The following CDKL3 variants were observed in gnomAD, a reference collection of about 807,000 sequenced individuals.
The protein encoded by CDKL3 is cyclin dependent kinase like 3.
A neutral mutation model predicts 69.3 loss-of-function variants in CDKL3; 65 were observed. That is an observed-to-expected ratio of 0.94 (90% CI 0.77 to 1.15). CDKL3 has a LOEUF of 1.15. CDKL3 is among the 50% of genes most tolerant of loss of function. The pLI is 0.00. For synonymous variants in CDKL3, 202 were observed against 221.6 expected, an observed-to-expected ratio of 0.91 and a Z score of 0.79; for missense variants, 652 against 689.2, an observed-to-expected ratio of 0.95 and a Z score of 0.61.
At chr5:134,330,370 G>C (rs974951701) in intron 4 of CDKL3, among the ~76,000 whole-genome samples, 27 of 152,256 alleles carry the variant, frequency 1.8e-4, no homozygotes, top group African/African-American at 6.3e-4. Context: ...GGTCATGGTG[G>C]AGATGGACAC....
At chr5:134,335,517 G>C (rs1776892708) in intron 4 of CDKL3, among the ~76,000 whole-genome samples, 1 of 152,042 alleles carries the variant, frequency 6.6e-6, no homozygotes, top group Non-Finnish European at 1.5e-5. Context: ...AGTCAGGCCT[G>C]GTGGTGACAA....
chr5:134,356,717 G>A (rs1272535492), intron 3 of CDKL3, among the ~76,000 whole-genome samples: 1 of 152,102 alleles, frequency 6.6e-6, no homozygotes, highest in African/African-American at 2.4e-5. Context: ...CTGGGAGGTG[G>A]AGGTTGCAGT....
chr5:134,298,635 T>C lies in CDKL3; in HGVS notation c.*16A>G, dbSNP rs1323303480. 7.4e-6 allele frequency: 12 copies of C among 1,611,194 alleles called. No individual in the cohort carries two copies. Among genetic ancestry groups the C allele is most frequent in the Non-Finnish European group, 1.0e-5 (12 of 1,179,202 alleles). ...TTGTCATCTTGTATTTTTTGGACTA[T>C]GTAAAAGAAAAGACACTACCAGAAA... On this transcript the variant is annotated 3_prime_UTR_variant, in exon 13 of 13. Transcript: ENST00000265334.
chr5:134,360,062 C>T lies in CDKL3; in HGVS notation c.195G>A (p.Leu65=). Residue 65 remains leucine (L), a synonymous_variant, in exon 3 of 13, where the codon CTG becomes CTA. Transcript: ENST00000265334. ...KQFHHENLVN[L]IEVFRQKKKI... ...TCTTTTTCTGTCTAAAAACTTCAAT[C>T]AGATTGACCAGGTTTTCGTGATGAA... 1 of 1,543,180 alleles carries T rather than the reference C, an allele frequency of 6.5e-7. No individual in the cohort carries two copies. The highest frequency in any genetic ancestry group is 1.4e-5 in the African/African-American group (1 of 72,886).
chr5:134,365,282 T>A (rs1053173241), intron 2 of CDKL3, among the ~76,000 whole-genome samples: 4 of 151,684 alleles, frequency 2.6e-5, no homozygotes, highest in Non-Finnish European at 5.9e-5. Flanking sequence ...CGGCCTTAAT[T>A]TTTTTTGTTT....
chr5:134,352,434 G>A (rs1247045879), intron 3 of CDKL3, among the ~76,000 whole-genome samples: 1 of 151,738 alleles, frequency 6.6e-6, no homozygotes, highest in Non-Finnish European at 1.5e-5. Context: ...CTGAGTAGCT[G>A]GGATTACAGG....
intron 4 of CDKL3, among the ~76,000 whole-genome samples, chr5:134,338,510 T>G (rs527819587): frequency 6.6e-6 from 1 of 150,402 alleles, no homozygotes; most frequent in Non-Finnish European, 1.5e-5. Flanking sequence ...GCCAATATGG[T>G]GAAACTCCAT....
downstream of CDKL3, among the ~76,000 whole-genome samples, chr5:134,296,878 A>G (rs1765380661): frequency 6.6e-6 from 1 of 151,472 alleles, no homozygotes; most frequent in African/African-American, 2.4e-5. Flanking sequence ...GTAAATCAGG[A>G]TTAGGAATTT....
At chr5:134,310,491 A>G (rs138225446) in intron 7 of CDKL3, among the ~76,000 whole-genome samples, 1 of 140,410 alleles carries the variant, frequency 7.1e-6, no homozygotes, top group African/African-American at 2.7e-5. Context: ...AGCCCGGCCT[A>G]TTCTTTTATT....
chr5:134,360,059 A>T lies in CDKL3; in HGVS notation c.198T>A (p.Ile66=). 1 of 1,547,650 alleles carries T rather than the reference A, an allele frequency of 6.5e-7. No homozygotes were observed. The highest frequency in any genetic ancestry group is 8.7e-7 in the Non-Finnish European group (1 of 1,146,660). ...TTTTCTTTTTCTGTCTAAAAACTTCAATCAGATTGACCAGGTTTTCGTGAT... is the reference window on the plus strand; with the variant it reads ...TTTTCTTTTTCTGTCTAAAAACTTCTATCAGATTGACCAGGTTTTCGTGAT... ...QFHHENLVNL[I]EVFRQKKKIH... is the part of the protein sequence containing the mutation. The change falls in exon 3 of 13, where the codon ATT becomes ATA. Residue 66 remains isoleucine (I), a synonymous_variant. Coordinates refer to ENST00000265334, the MANE Select transcript of CDKL3 (RefSeq NM_001113575.2).
At chr5:134,298,027 G>T (rs1405869118), downstream of CDKL3, among the ~76,000 whole-genome samples, 1 of 151,086 alleles carries the variant, frequency 6.6e-6, no homozygotes, top group Admixed American at 6.6e-5. Flanking sequence ...TTGGCCTCCC[G>T]GATTCAAGCG....
intron 12 of CDKL3, chr5:134,299,831 T>C (rs749222655): frequency 2.2e-6 from 2 of 911,596 alleles, no homozygotes; most frequent in East Asian, 2.7e-5. Context: ...AGATAAATAC[T>C]TGTACTTTGC....
upstream of CDKL3, chr5:134,371,233 G>A (rs1365921973): frequency 3.0e-6 from 1 of 336,064 alleles, no homozygotes; most frequent in Non-Finnish European, 5.6e-6. Context: ...AGGGAGACGG[G>A]ATAGTGTTTC....
chr5:134,304,426 TTGACTGTATTG>T lies in CDKL3; in HGVS notation c.1589_1599del (p.Thr530LysfsTer9). The T allele has an allele frequency of 6.2e-7, 1 of 1,611,972 alleles. No individual in the cohort carries two copies. Among genetic ancestry groups the T allele is most frequent in the South Asian group, 1.1e-5 (1 of 90,606 alleles). On this transcript the variant is annotated frameshift_variant, in exon 11 of 13. Transcript: ENST00000265334. LOFTEE classifies it high-confidence loss of function. ...GTACCTTCCATTCCTTTTGTATCTT[TTGACTGTATTG>T]TGACAGGCAATTCTGGAAAATGGAA...
chr5:134,306,660 A>G lies in CDKL3; in HGVS notation c.1407T>C (p.Ser469=), dbSNP rs1187850600. Reference sequence around the variant, plus strand: ...TGCTATTAGGCATAACTTGTCCAATAGATTGTGAAGAAGTGCGTCTCTTTT... The same window carrying G: ...TGCTATTAGGCATAACTTGTCCAATGGATTGTGAAGAAGTGCGTCTCTTTT... ...RAKKRRTSSQ[S]IGQVMPNSRQ... is the part of the protein sequence containing the mutation. The change falls in exon 10 of 13, where the codon TCT becomes TCC. Residue 469 remains serine (S), a synonymous_variant. Coordinates refer to ENST00000265334, the MANE Select transcript of CDKL3 (RefSeq NM_001113575.2). 2 of 1,577,928 alleles carry G rather than the reference A, an allele frequency of 1.3e-6. No individual in the cohort carries two copies. Among genetic ancestry groups the G allele is most frequent in the Non-Finnish European group, 1.7e-6 (2 of 1,168,128 alleles).
intron 6 of CDKL3, 133 bp from the exon 7 acceptor site, chr5:134,312,513 A>G: frequency 1.8e-6 from 1 of 556,152 alleles, no homozygotes; most frequent in East Asian, 3.4e-5. Context: ...ATGGAATTAG[A>G]CCTCAGGAAC....
At chr5:134,336,054 G>A (rs1471050385) in intron 4 of CDKL3, among the ~76,000 whole-genome samples, 8 of 151,934 alleles carry the variant, frequency 5.3e-5, no homozygotes, top group African/African-American at 1.2e-4. Context: ...TTGTCTTCTC[G>A]CTTTATTTCA....
intron 12 of CDKL3, among the ~76,000 whole-genome samples, chr5:134,301,709 G>A (rs933295906): frequency 7.2e-5 from 11 of 152,034 alleles, no homozygotes; most frequent in African/African-American, 1.9e-4. Context: ...GTGAAACCCC[G>A]TCTCTACTAA....
At chr5:134,294,540 G>C (rs1765263760), downstream of CDKL3, among the ~76,000 whole-genome samples, 1 of 151,994 alleles carries the variant, frequency 6.6e-6, no homozygotes, top group Non-Finnish European at 1.5e-5. Flanking sequence ...CATAAACACT[G>C]GAAAAGAAGA....
Sources: gnomAD v4.1 joint callset for allele counts (sites outside exome capture counted in the v4.1 genomes callset) on GRCh38, gnomAD v4.1.1 for gene constraint, MANE v1.5 for transcripts, NCBI Gene and HGNC (gene_info 2026-07-23, HGNC 2026-07-21) for gene names.